Variants in PPP1R13B observed in about 807,000 individuals in gnomAD.
PPP1R13B encodes apoptosis-stimulating of p53 protein 1.
A neutral mutation model predicts 119.8 loss-of-function variants in PPP1R13B; 44 were observed. The observed-to-expected ratio is 0.37, with a 90% CI of 0.29 to 0.47. The LOEUF (loss-of-function observed/expected upper bound fraction) is 0.47. Ranked by LOEUF, PPP1R13B falls within the 20% of genes least tolerant of loss-of-function variation. The pLI, the probability that PPP1R13B is intolerant of heterozygous loss-of-function variation, is 0.99. For synonymous variants in PPP1R13B, 542 were observed against 561.5 expected, an observed-to-expected ratio of 0.97 and a Z score of 0.49; for missense variants, 1,227 against 1,413.5, an observed-to-expected ratio of 0.87 and a Z score of 2.12.
At chr14:103,826,639 T>C (rs1397458470) in intron 1 of PPP1R13B, among the ~76,000 whole-genome samples, 6 of 150,170 alleles carry the variant, frequency 4.0e-5, no homozygotes, top group Admixed American at 1.3e-4. Flanking sequence ...ATGGTAGGTA[T>C]AGGCCATGCA....
At chr14:103,758,092 C>T (rs1246438637) in intron 4 of PPP1R13B, among the ~76,000 whole-genome samples, 1 of 152,150 alleles carries the variant, frequency 6.6e-6, no homozygotes, top group Non-Finnish European at 1.5e-5. Context: ...TTTAAGGATA[C>T]ACAACCAAAA....
At position 103,840,723 on chromosome 14, in the gene PPP1R13B, G is replaced by T. The variant is rs1424196403; in HGVS notation, c.9+6576C>A. Among the ~76,000 whole-genome samples, 7 of 152,050 alleles carry T rather than the reference G, an allele frequency of 4.6e-5. No individual in the cohort carries two copies. In the East Asian group the frequency reaches 1.4e-3, roughly 29 times the overall value. Reference sequence around the variant, plus strand: ...GGAAAATTGCTTGAACCTGGGAGGTGGAGGTTGCAGTAAGCCGAGATGGCA... The same window carrying T: ...GGAAAATTGCTTGAACCTGGGAGGTTGAGGTTGCAGTAAGCCGAGATGGCA... On this transcript the variant is annotated intron_variant, in intron 1 of 16. Transcript: ENST00000202556.
At chr14:103,793,695 G>T (rs1375151496) in intron 2 of PPP1R13B, among the ~76,000 whole-genome samples, 1 of 151,754 alleles carries the variant, frequency 6.6e-6, no homozygotes, top group East Asian at 1.9e-4. Context: ...TTTAAATAAG[G>T]TTAAAAAACC....
chr14:103,780,712 G>A, intron 3 of PPP1R13B, among the ~76,000 whole-genome samples: 1 of 151,422 alleles, frequency 6.6e-6, no homozygotes, highest in East Asian at 1.9e-4. Context: ...TACTTGGGAG[G>A]CTGAGACAGG....
chr14:103,847,766 G>A (rs1210431373), upstream of PPP1R13B: 2 of 419,496 alleles, frequency 4.8e-6, no homozygotes, highest in Non-Finnish European at 6.4e-6. Context: ...CCGCGCTCCC[G>A]GCGGCGGGGG....
At chr14:103,775,418 G>A (rs2085164282) in intron 4 of PPP1R13B, among the ~76,000 whole-genome samples, 1 of 152,060 alleles carries the variant, frequency 6.6e-6, no homozygotes, top group South Asian at 2.1e-4. Context: ...GGGATTACAG[G>A]CACCTGCCAT....
At chr14:103,754,748 C>G (rs67768834) in intron 5 of PPP1R13B, among the ~76,000 whole-genome samples, 67,595 of 151,362 alleles carry the variant, frequency 0.45, 15,589 homozygotes, top group African/African-American at 0.56. Flanking sequence ...GTAAGAGCTG[C>G]GGGATTTTTA....
chr14:103,783,334 A>C (rs186240935), intron 3 of PPP1R13B, among the ~76,000 whole-genome samples: 236 of 151,964 alleles, frequency 1.6e-3, no homozygotes, highest in African/African-American at 5.5e-3. Flanking sequence ...ATCTTGGCTC[A>C]CTACAACCTC....
At chr14:103,743,462 AG>A (rs1595712855) in intron 9 of PPP1R13B, among the ~76,000 whole-genome samples, 1 of 152,242 alleles carries the variant, frequency 6.6e-6, no homozygotes, top group Non-Finnish European at 1.5e-5. Flanking sequence ...TTCTTTACAG[AG>A]TATTTTCCAA....
intron 9 of PPP1R13B, among the ~76,000 whole-genome samples, chr14:103,745,698 T>TG (rs1454201581): frequency 3.3e-5 from 5 of 152,208 alleles, no homozygotes; most frequent in Non-Finnish European, 7.3e-5. Context: ...CCCCTCCACT[T>TG]GGCTGGCTGT....
chr14:103,766,116 C>A (rs1413020421), intron 4 of PPP1R13B, among the ~76,000 whole-genome samples: 1 of 151,888 alleles, frequency 6.6e-6, no homozygotes, highest in Non-Finnish European at 1.5e-5. Flanking sequence ...TCAAGCGATT[C>A]TCCTGCCTCA....
chr14:103,796,849 T>C (rs1181218619), intron 2 of PPP1R13B, among the ~76,000 whole-genome samples: 1 of 152,010 alleles, frequency 6.6e-6, no homozygotes, highest in Non-Finnish European at 1.5e-5. Context: ...CCCCAGCTAC[T>C]GGGAGGCGGA....
At chr14:103,847,912 G>A (rs2087108703), upstream of PPP1R13B, among the ~76,000 whole-genome samples, 1 of 151,806 alleles carries the variant, frequency 6.6e-6, no homozygotes, top group Non-Finnish European at 1.5e-5. Flanking sequence ...GATCACGGCA[G>A]GGCCGGGACT....
intron 14 of PPP1R13B, 67 bp from the exon 15 acceptor site, chr14:103,737,927 G>T: frequency 2.0e-6 from 3 of 1,505,448 alleles, no homozygotes; most frequent in South Asian, 1.3e-5. Flanking sequence ...GGCCCTCAGA[G>T]ATTTCCCTCT....
chr14:103,822,776 G>C (rs1037608420), intron 1 of PPP1R13B, among the ~76,000 whole-genome samples: 3 of 151,620 alleles, frequency 2.0e-5, no homozygotes, highest in Admixed American at 6.6e-5. Flanking sequence ...TTGCACCATT[G>C]CACTCCAGTC....
At chr14:103,847,278 C>T in intron 1 of PPP1R13B, 21 bp downstream of exon 1, 1 of 1,212,872 alleles carries the variant, frequency 8.2e-7, no homozygotes, top group South Asian at 1.9e-5. Flanking sequence ...CCGCCGCCAC[C>T]TCCCGCCCGC....
intron 1 of PPP1R13B, among the ~76,000 whole-genome samples, chr14:103,802,296 G>C (rs2085918629): frequency 6.6e-6 from 1 of 152,076 alleles, no homozygotes; most frequent in African/African-American, 2.4e-5. Context: ...GCAAAAGAGT[G>C]AGACTCTGTC....
At chr14:103,753,310 C>T in intron 6 of PPP1R13B, 114 bp from the exon 7 acceptor site, 1 of 1,049,868 alleles carries the variant, frequency 9.5e-7, no homozygotes, top group Non-Finnish European at 1.4e-6. Flanking sequence ...GTGGAGAAAG[C>T]TGTGATATGC....
chr14:103,792,553 A>C lies in PPP1R13B; in HGVS notation c.157+4818T>G, dbSNP rs10142024. ...TTTAACTGAACATAATTTTCGTTTT[A>C]AAGTAGAAAAAACACAACCCGATCA... On this transcript the variant is annotated intron_variant, in intron 2 of 16. Transcript: ENST00000202556. Among the ~76,000 whole-genome samples, 630 of 152,194 alleles carry C rather than the reference A, an allele frequency of 4.1e-3. 5 individuals carry two copies. Among genetic ancestry groups the C allele is most frequent in the African/African-American group, 0.015 (612 of 41,510 alleles).
Sources: allele counts gnomAD v4.1 joint callset (sites outside exome capture counted in the v4.1 genomes callset), GRCh38; gene constraint gnomAD v4.1.1; transcripts MANE v1.5; gene names NCBI Gene and HGNC (gene_info 2026-07-23, HGNC 2026-07-21).